Variants in MATCAP1 observed in about 807,000 individuals in gnomAD.
MATCAP1 encodes the protein microtubule associated tyrosine carboxypeptidase 1, also known as microtubule-associated tyrosine carboxypeptidase 1.
chr16:67,181,460 G>C, the MATCAP1 span: 3 of 152,172 alleles, frequency 2.0e-5, no homozygotes, highest in Non-Finnish European at 4.4e-5. Context: ...TCCCCTATCT[G>C]AGGGATCTTT....
chr16:67,177,929 C>A, the MATCAP1 span: 1 of 1,287,654 alleles, frequency 7.8e-7, no homozygotes, highest in South Asian at 1.2e-5. Context: ...AGCCCTCGGT[C>A]TAGCACCAAT....
At chr16:67,180,845 G>A in the MATCAP1 span, among the ~76,000 whole-genome samples, 5 of 152,150 alleles carry the variant, frequency 3.3e-5, no homozygotes, top group African/African-American at 7.2e-5. Context: ...ATGCTGGGCC[G>A]GAAGAAAGCA....
chr16:67,180,196 T>G, the MATCAP1 span: 3 of 1,614,178 alleles, frequency 1.9e-6, no homozygotes, highest in Non-Finnish European at 2.5e-6. Context: ...GCCACCAACA[T>G]GCAGGGGCTC....
the MATCAP1 span, chr16:67,179,612 G>A: frequency 1.3e-6 from 2 of 1,558,376 alleles, no homozygotes; most frequent in Middle Eastern, 1.7e-4. The surrounding 1 kb of genome is among the most constrained non-coding windows in gnomAD (Gnocchi z 5.2). Context: ...GGGCCAGGGT[G>A]CAGGTGGACC....
chr16:67,178,403 C>A, the MATCAP1 span: 1 of 1,546,740 alleles, frequency 6.5e-7, no homozygotes, highest in African/African-American at 1.4e-5. Context: ...CTGGCCAGGC[C>A]CTCCTCCGTG....
the MATCAP1 span, chr16:67,178,368 C>T: frequency 1.9e-6 from 3 of 1,563,238 alleles, no homozygotes; most frequent in East Asian, 2.4e-5. Context: ...GGAACGGCTG[C>T]TTGCGGAACA....
At chr16:67,178,664 G>A in the MATCAP1 span, 1 of 748,418 alleles carries the variant, frequency 1.3e-6, no homozygotes, top group South Asian at 1.5e-5. Context: ...CCCAGCCCCA[G>A]GCAGCGTGAA....
the MATCAP1 span, chr16:67,178,040 G>A: frequency 6.8e-6 from 11 of 1,614,202 alleles, no homozygotes; most frequent in South Asian, 9.9e-5. Context: ...ACGGGAAATC[G>A]ATGGTCTGGC....
chr16:67,183,647 A>C, the MATCAP1 span: 1 of 153,106 alleles, frequency 6.5e-6, no homozygotes, highest in African/African-American at 2.4e-5. Flanking sequence ...CTGTGCGGAG[A>C]GAAGCCCCGG....
At chr16:67,182,072 G>A in the MATCAP1 span, among the ~76,000 whole-genome samples, 8 of 152,158 alleles carry the variant, frequency 5.3e-5, no homozygotes, top group African/African-American at 1.9e-4. Flanking sequence ...CCAACATGGA[G>A]AAACCCCGTC....
the MATCAP1 span, chr16:67,179,617 T>G: frequency 6.4e-7 from 1 of 1,551,646 alleles, no homozygotes; most frequent in Non-Finnish European, 8.9e-7. This position sits in a 1 kb window ranked among gnomAD's most constrained non-coding sequence, Gnocchi z 5.2. Context: ...AGGGTGCAGG[T>G]GGACCCAATG....
At chr16:67,177,967 G>A in the MATCAP1 span, 1 of 1,538,740 alleles carries the variant, frequency 6.5e-7, no homozygotes, top group Non-Finnish European at 9.0e-7. Context: ...CTACAGCAAG[G>A]CAGGGAGCTG....
chr16:67,180,558 G>A, the MATCAP1 span: 1 of 1,529,826 alleles, frequency 6.5e-7, no homozygotes, highest in African/African-American at 1.4e-5. Context: ...GGGACTGGTA[G>A]GCGGGCTGGG....
At chr16:67,182,236 C>T in the MATCAP1 span, among the ~76,000 whole-genome samples, 3 of 137,090 alleles carry the variant, frequency 2.2e-5, no homozygotes, top group Non-Finnish European at 3.0e-5. Flanking sequence ...GCAACAACAG[C>T]GAAACTCCAT....
chr16:67,180,198 C>G, the MATCAP1 span: 1 of 1,614,202 alleles, frequency 6.2e-7, no homozygotes, highest in South Asian at 1.1e-5. Context: ...CACCAACATG[C>G]AGGGGCTCTT....
chr16:67,178,039 C>T, the MATCAP1 span: 3 of 1,614,182 alleles, frequency 1.9e-6, no homozygotes, highest in East Asian at 4.5e-5. Flanking sequence ...AACGGGAAAT[C>T]GATGGTCTGG....
the MATCAP1 span, chr16:67,180,481 A>G: frequency 6.2e-7 from 1 of 1,602,410 alleles, no homozygotes; most frequent in East Asian, 2.2e-5. Flanking sequence ...AAGGCCAGGG[A>G]CTGAGACCAG....
At chr16:67,178,664 G>T in the MATCAP1 span, 1 of 748,418 alleles carries the variant, frequency 1.3e-6, no homozygotes, top group Admixed American at 2.0e-5. Flanking sequence ...CCCAGCCCCA[G>T]GCAGCGTGAA....
the MATCAP1 span, chr16:67,183,837 C>CT: frequency 5.7e-6 from 1 of 174,128 alleles, no homozygotes; most frequent in Non-Finnish European, 1.2e-5. Context: ...TCCTCCCGGC[C>CT]TTTGGGGGGG....
Sources: allele counts gnomAD v4.1 joint callset (sites outside exome capture counted in the v4.1 genomes callset), GRCh38; gene constraint gnomAD v4.1.1; non-coding constraint Gnocchi (gnomAD v3.1); transcripts MANE v1.5; gene names NCBI Gene and HGNC (gene_info 2026-07-23, HGNC 2026-07-21).